The following CRNKL1 variants were observed in gnomAD, a reference collection of about 807,000 sequenced individuals.
CRNKL1 encodes the protein crooked neck pre-mRNA splicing factor 1, also known as crooked neck-like protein 1.
A neutral mutation model predicts 103.7 loss-of-function variants in CRNKL1; 35 were observed. That is an observed-to-expected ratio of 0.34 (90% CI 0.26 to 0.45). The LOEUF (loss-of-function observed/expected upper bound fraction) is 0.45, where lower values mean the gene tolerates loss of function less well. Among genes scored for constraint, CRNKL1 ranks in the 20% least tolerant of loss-of-function variants. The pLI, the probability that CRNKL1 is intolerant of heterozygous loss-of-function variation, is 1.00. For missense variants in CRNKL1, 645 were observed against 836.0 expected (o/e 0.77, Z 2.82); for synonymous variants, 267 against 282.6 (o/e 0.94, Z 0.55).
rs199713153 is a variant in CRNKL1 at position 20,040,770 on chromosome 20, G to C, written c.1225-4C>G. The C allele has an allele frequency of 1.3e-5, 20 of 1,594,074 alleles. No individual in the cohort carries two copies. The highest frequency in any genetic ancestry group is 3.4e-5 in the Admixed American group (2 of 58,454). On this transcript the variant is annotated splice_region_variant and splice_polypyrimidine_tract_variant and intron_variant, in intron 9 of 13. Transcript: ENST00000536226. ...TCCACATTTTGGCAAATGTGAACTAGAAAACAAAAGCACAAAAATATCTAG... is the reference window on the plus strand; with the variant it reads ...TCCACATTTTGGCAAATGTGAACTACAAAACAAAAGCACAAAAATATCTAG...
Position 20,047,766 on chromosome 20 carries a change from T to A in CRNKL1, c.621A>T (p.Arg207=). 2 of 1,613,760 alleles carry A rather than the reference T, an allele frequency of 1.2e-6. No homozygotes were observed. The highest frequency in any genetic ancestry group is 1.7e-6 in the Non-Finnish European group (2 of 1,179,720). ...EVDRARTIYE[R]FVLVHPDVKN... ...ATACAGATCTCGTCCAAAGGATATA[T>A]CGCTCATAAATGGTGCGGGCCCGAT... Residue 207 remains arginine (R), a splice_region_variant and synonymous_variant, in exon 5 of 14, where the codon CGA becomes CGT. Coordinates refer to ENST00000536226, the MANE Select transcript of CRNKL1 (RefSeq NM_001278628.2).
intron 3 of CRNKL1, 57 bp from the exon 4 acceptor site, chr20:20,048,558 T>G: frequency 1.3e-6 from 2 of 1,574,616 alleles, no homozygotes; most frequent in Non-Finnish European, 1.7e-6. Context: ...CATGTAGCAG[T>G]TATTTCAAAC....
At chr20:20,043,069 A>G (rs1254611072) in intron 7 of CRNKL1, among the ~76,000 whole-genome samples, 1 of 152,220 alleles carries the variant, frequency 6.6e-6, no homozygotes, top group African/African-American at 2.4e-5. Flanking sequence ...AAAATAGTAC[A>G]TTACAGAAAA....
rs746285593 is a variant in CRNKL1, at chr20:20,041,543, G to A, written c.1224+23C>T. 1.9e-6 allele frequency: 3 copies of A among 1,584,498 alleles called. No homozygotes were observed. In the East Asian group the frequency reaches 6.7e-5, roughly 35 times the overall value. ...AAGAGGATTCTGACCTGTTTGAAAT[G>A]GAACACTTTAGAGCAAACATACCTT... On this transcript the variant is annotated intron_variant, in intron 9 of 13. Transcript: ENST00000536226.
At chr20:20,037,695 A>G in intron 12 of CRNKL1, 124 bp from the exon 13 acceptor site, 1 of 823,410 alleles carries the variant, frequency 1.2e-6, no homozygotes, top group African/African-American at 1.7e-5. Flanking sequence ...CTAATGTTTC[A>G]CAGATGAAAA....
rs532612958 is a variant in CRNKL1 at position 20,034,734 on chromosome 20, GCAGT to G, written c.*1457_*1460del. On this transcript the variant is annotated 3_prime_UTR_variant, in exon 14 of 14. Coordinates refer to ENST00000536226, the MANE Select transcript of CRNKL1 (RefSeq NM_001278628.2). ...AGCTGATGCTCGTCCAGTGACTAAA[GCAGT>G]CAGGCTGAAAACAGATTTTATCTCA... is the stretch of plus-strand genomic sequence containing the variant. The G allele has an allele frequency of 6.6e-6, 1 of 152,224 alleles. No individual in the cohort carries two copies. The highest frequency in any genetic ancestry group is 2.4e-5 in the African/African-American group (1 of 41,462). 9.4% of individuals were successfully genotyped at this position (152,224 alleles called of 1,614,324 possible). A position where few individuals can be genotyped will look rare whatever the true frequency, so the allele number is the denominator to read the frequency against.
At chr20:20,042,283 C>T (rs1457798345) in intron 8 of CRNKL1, 42 bp downstream of exon 8, 2 of 1,511,322 alleles carry the variant, frequency 1.3e-6, no homozygotes. Context: ...ATACAGAAGA[C>T]AGGAAACCAT....
chr20:20,054,150 T>G (rs1434020096), upstream of CRNKL1, among the ~76,000 whole-genome samples: 5 of 152,176 alleles, frequency 3.3e-5, no homozygotes, highest in East Asian at 9.6e-4. Context: ...TTTCTGATTT[T>G]ATTCTTCTCA....
rs1454231771 is a variant in CRNKL1, at chr20:20,041,614, C to T, written c.1176G>A (p.Arg392=). The part of the protein sequence containing the change: ...YEELEAKDPE[R]TRQVYQASLE... ...AAGAGGCTTGATACACCTGTCTTGT[C>T]CTCTCAGGATCCTGTATTAGGATAA... Residue 392 remains arginine, a synonymous_variant, in exon 9 of 14, where the codon AGG becomes AGA. Transcript: ENST00000536226. 3 of 1,612,976 alleles carry T rather than the reference C, an allele frequency of 1.9e-6. No homozygotes were observed. The Admixed American group carries it at 5.0e-5, about 27-fold the overall frequency.
At position 20,035,570 on chromosome 20, in the gene CRNKL1, CAAT is replaced by C. The variant is rs1205450472; in HGVS notation, c.*622_*624del. 2.6e-5 allele frequency: 4 copies of C among 152,080 alleles called. No individual in the cohort carries two copies. The highest frequency in any genetic ancestry group is 2.6e-4 in the Admixed American group (4 of 15,258). The allele number at this position is 152,080 out of a possible 1,614,324, so 9.4% of individuals were successfully genotyped here. A position where few individuals can be genotyped will look rare whatever the true frequency, so the allele number is the denominator to read the frequency against. Reference sequence around the variant, plus strand: ...ATTTTCCAAGTGTTGTTCTAAAAAACAATATAACTGGACACTAGTAAGAAAGTA... The same window carrying C: ...ATTTTCCAAGTGTTGTTCTAAAAAACATAACTGGACACTAGTAAGAAAGTA... On this transcript the variant is annotated 3_prime_UTR_variant, in exon 14 of 14. Transcript: ENST00000536226.
upstream of CRNKL1, among the ~76,000 whole-genome samples, chr20:20,053,187 T>G (rs1319119651): frequency 6.6e-6 from 1 of 152,222 alleles, no homozygotes; most frequent in Non-Finnish European, 1.5e-5. Flanking sequence ...TTAGCTGTTA[T>G]AATACTTAAC....
chr20:20,052,502 GA>G (rs1163409859), upstream of CRNKL1: 5 of 1,614,264 alleles, frequency 3.1e-6, no homozygotes, highest in South Asian at 5.5e-5. Flanking sequence ...CTTGAGCCGT[GA>G]CGGAGGCGGC....
rs16981467 is a variant in CRNKL1, at chr20:20,045,003, C to T, written c.801+305G>A. On this transcript the variant is annotated intron_variant, in intron 6 of 13. Transcript: ENST00000536226. Reference sequence around the variant, plus strand: ...GCTTTTTGTTTCCCATATTTATTATCGGTTAAGTCCTTTACTTAGGATGCC... The same window carrying T: ...GCTTTTTGTTTCCCATATTTATTATTGGTTAAGTCCTTTACTTAGGATGCC... Among the ~76,000 whole-genome samples, 1,240 of 152,256 alleles carry T rather than the reference C, an allele frequency of 8.1e-3. 15 individuals carry two copies. The highest frequency in any genetic ancestry group is 0.029 in the African/African-American group (1,184 of 41,538).
At chr20:20,044,125 C>T (rs763263553) in intron 6 of CRNKL1, among the ~76,000 whole-genome samples, 15 of 152,306 alleles carry the variant, frequency 9.8e-5, no homozygotes, top group Non-Finnish European at 1.9e-4. Flanking sequence ...TGCTTCTCCC[C>T]AGCCCCCAGC....
upstream of CRNKL1, chr20:20,052,729 G>A: frequency 1.3e-6 from 2 of 1,599,386 alleles, no homozygotes; most frequent in Non-Finnish European, 8.5e-7. Context: ...CGCCCTGCAA[G>A]GGAGTAAGAA....
chr20:20,052,290 A>C lies in CRNKL1; in HGVS notation c.51+2T>G, dbSNP rs141746930. 2 of 1,608,614 alleles carry C rather than the reference A, an allele frequency of 1.2e-6. No individual in the cohort carries two copies. Among genetic ancestry groups the C allele is most frequent in the Non-Finnish European group, 8.5e-7 (1 of 1,178,832 alleles). On this transcript the variant is annotated splice_donor_variant, in intron 1 of 13. Coordinates refer to ENST00000536226, the MANE Select transcript of CRNKL1 (RefSeq NM_001278628.2). LOFTEE classifies it high-confidence loss of function. ...CCTACAAGGCCCCTCGCGATCGCCT[A>C]CCTTGGCCACTTTGGGAATCCGCTG...
chr20:20,049,007 A>AT (rs2043639530), intron 3 of CRNKL1, among the ~76,000 whole-genome samples: 1 of 151,414 alleles, frequency 6.6e-6, no homozygotes, highest in Admixed American at 6.6e-5. Flanking sequence ...TGCAATTTTT[A>AT]TTTTTTTTGG....
At chr20:20,039,442 CCT>C (rs2043476369) in intron 11 of CRNKL1, among the ~76,000 whole-genome samples, 165 bp downstream of exon 11, 1 of 152,158 alleles carries the variant, frequency 6.6e-6, no homozygotes, top group South Asian at 2.1e-4. Flanking sequence ...GGCTACTTCC[CCT>C]GTCCCCCACA....
chr20:20,048,663 C>A (rs879775570), intron 3 of CRNKL1, among the ~76,000 whole-genome samples, 162 bp from the exon 4 acceptor site: 1 of 152,116 alleles, frequency 6.6e-6, no homozygotes, highest in African/African-American at 2.4e-5. Flanking sequence ...AAGTACCTTA[C>A]AAAGTCTTAT....
Sources: gnomAD v4.1 joint callset for allele counts (sites outside exome capture counted in the v4.1 genomes callset) on GRCh38, gnomAD v4.1.1 for gene constraint, MANE v1.5 for transcripts, NCBI Gene and HGNC (gene_info 2026-07-23, HGNC 2026-07-21) for gene names.